Variants in CSTPP1 observed in about 807,000 individuals in gnomAD.
CSTPP1 encodes centriolar satellite-associated tubulin polyglutamylase complex regulator 1.
chr11:47,143,731 G>A, the CSTPP1 span, among the ~76,000 whole-genome samples: 1 of 152,196 alleles, frequency 6.6e-6, no homozygotes, highest in Non-Finnish European at 1.5e-5. Context: ...CTTTCTGGAT[G>A]GTTAAGAGCA....
the CSTPP1 span, among the ~76,000 whole-genome samples, chr11:46,984,404 A>G: frequency 6.6e-6 from 1 of 152,252 alleles, no homozygotes; most frequent in Admixed American, 6.5e-5. Flanking sequence ...GTACAGTACT[A>G]TATCTGTCAC....
the CSTPP1 span, among the ~76,000 whole-genome samples, chr11:47,138,743 C>T: frequency 2.0e-5 from 3 of 152,012 alleles, no homozygotes; most frequent in African/African-American, 7.3e-5. Flanking sequence ...TTTGGGAGGC[C>T]AAGGCAGGCA....
At chr11:47,018,502 C>T in the CSTPP1 span, among the ~76,000 whole-genome samples, 1 of 151,920 alleles carries the variant, frequency 6.6e-6, no homozygotes. Flanking sequence ...ACCATCTTGG[C>T]CAGGCTGGTC....
At chr11:47,157,675 G>T in the CSTPP1 span, 1 of 731,008 alleles carries the variant, frequency 1.4e-6, no homozygotes. Flanking sequence ...CATAGTGAAG[G>T]CCTGATCCCC....
the CSTPP1 span, among the ~76,000 whole-genome samples, chr11:47,139,831 G>A: frequency 1.3e-5 from 2 of 152,154 alleles, no homozygotes; most frequent in African/African-American, 2.4e-5. Context: ...AACTGGAACC[G>A]CAGTCAGCCT....
chr11:46,969,914 T>A, the CSTPP1 span, among the ~76,000 whole-genome samples: 1 of 152,090 alleles, frequency 6.6e-6, no homozygotes, highest in Non-Finnish European at 1.5e-5. Context: ...ACAGGTGCAC[T>A]TCACCACACC....
the CSTPP1 span, among the ~76,000 whole-genome samples, chr11:46,986,278 C>T: frequency 6.6e-6 from 1 of 152,160 alleles, no homozygotes; most frequent in Non-Finnish European, 1.5e-5. Context: ...TTAACTCACA[C>T]ATTTCCAAGT....
At chr11:47,011,538 C>A in the CSTPP1 span, among the ~76,000 whole-genome samples, 1 of 152,160 alleles carries the variant, frequency 6.6e-6, no homozygotes, top group African/African-American at 2.4e-5. Flanking sequence ...TTCTATTAAG[C>A]TTCTTGAGAG....
the CSTPP1 span, among the ~76,000 whole-genome samples, chr11:47,095,033 G>T: frequency 2.0e-5 from 3 of 152,230 alleles, no homozygotes; most frequent in Admixed American, 1.3e-4. Context: ...CTTAAAAATT[G>T]CTTCTTTTCA....
At chr11:47,112,511 G>A in the CSTPP1 span, among the ~76,000 whole-genome samples, 28 of 152,094 alleles carry the variant, frequency 1.8e-4, no homozygotes, top group African/African-American at 6.7e-4. Context: ...TTGTAGAGAC[G>A]GGTTTTCACC....
At chr11:46,994,380 C>T in the CSTPP1 span, among the ~76,000 whole-genome samples, 2 of 152,222 alleles carry the variant, frequency 1.3e-5, no homozygotes, top group Middle Eastern at 3.4e-3. Context: ...ATGCTTCCAG[C>T]TTTTGCCCAT....
chr11:46,974,430 A>G, the CSTPP1 span, among the ~76,000 whole-genome samples: 3 of 151,378 alleles, frequency 2.0e-5, no homozygotes, highest in African/African-American at 7.3e-5. Flanking sequence ...TGGGAGGCTG[A>G]GGCAGGAGAA....
the CSTPP1 span, among the ~76,000 whole-genome samples, chr11:47,163,266 T>C: frequency 6.6e-6 from 1 of 151,508 alleles, no homozygotes; most frequent in East Asian, 1.9e-4. Flanking sequence ...TCTCAAATCC[T>C]GGTGTCCTCA....
chr11:47,055,693 A>C, the CSTPP1 span, among the ~76,000 whole-genome samples: 5 of 152,212 alleles, frequency 3.3e-5, no homozygotes, highest in Non-Finnish European at 5.9e-5. Flanking sequence ...AAAGCTAGAA[A>C]TTGAACCCAG....
chr11:47,009,277 A>G, the CSTPP1 span, among the ~76,000 whole-genome samples: 1 of 152,192 alleles, frequency 6.6e-6, no homozygotes, highest in Non-Finnish European at 1.5e-5. Context: ...AGTTAGTCTG[A>G]ATTACCTACT....
chr11:47,139,742 T>G, the CSTPP1 span, among the ~76,000 whole-genome samples: 1 of 151,858 alleles, frequency 6.6e-6, no homozygotes, highest in Non-Finnish European at 1.5e-5. Flanking sequence ...ACTGCTCACT[T>G]CACTGAAGTG....
the CSTPP1 span, chr11:47,159,488 C>T: frequency 4.2e-5 from 16 of 379,640 alleles, no homozygotes; most frequent in South Asian, 2.6e-4. Context: ...CCAGCCTGTG[C>T]GACAGAGCAA....
At chr11:47,086,941 A>C in the CSTPP1 span, among the ~76,000 whole-genome samples, 2 of 152,210 alleles carry the variant, frequency 1.3e-5, no homozygotes, top group African/African-American at 4.8e-5. Context: ...AGCTATATTT[A>C]GTATAGCTAT....
At chr11:47,068,693 T>C in the CSTPP1 span, among the ~76,000 whole-genome samples, 1 of 152,300 alleles carries the variant, frequency 6.6e-6, no homozygotes, top group African/African-American at 2.4e-5. Context: ...TATACTACTT[T>C]GTTAGTATCT....
Sources: allele counts gnomAD v4.1 joint callset (sites outside exome capture counted in the v4.1 genomes callset), GRCh38; gene constraint gnomAD v4.1.1; transcripts MANE v1.5; gene names NCBI Gene and HGNC (gene_info 2026-07-23, HGNC 2026-07-21).